The following PRDM8 variants were observed in gnomAD, a reference collection of about 807,000 sequenced individuals.
The protein encoded by PRDM8 is PR domain zinc finger protein 8.
PRDM8 carries 13 observed loss-of-function variants against 46.5 expected under a neutral mutation model. The ratio of observed to expected loss-of-function variants is 0.28; its 90% CI spans 0.18 to 0.44. PRDM8 has a LOEUF of 0.44. Ranked by LOEUF, PRDM8 falls within the 20% of genes least tolerant of loss-of-function variation. PRDM8 has a pLI of 1.00. For missense variants in PRDM8, 998 were observed against 955.0 expected (o/e 1.04, Z -0.59); for synonymous variants, 473 against 438.4 (o/e 1.08, Z -0.98).
chr4:80,198,024 C>T (rs1050689962), intron 1 of PRDM8, among the ~76,000 whole-genome samples: 1 of 152,200 alleles, frequency 6.6e-6, no homozygotes, highest in African/African-American at 2.4e-5. Context: ...CAGCAGCGAC[C>T]GGCTTTCAGA....
Position 80,202,412 on chromosome 4 carries a change from C to T in PRDM8, c.950C>T (p.Pro317Leu). ...GGCGGCAAAGGAAAGAGGAAATTCCCGGAGGAGGCGGCGGAGGGCGGCGGT... is the reference window on the plus strand; with the variant it reads ...GGCGGCAAAGGAAAGAGGAAATTCCTGGAGGAGGCGGCGGAGGGCGGCGGT... ...TGGGKGKRKF[P>L]EEAAEGGGGA... is the part of the protein sequence containing the mutation. Residue 317 changes from proline (P) to leucine (L), a missense_variant, in exon 4 of 4, where the codon CCG becomes CTG. Transcript: ENST00000415738. 1 of 1,556,498 alleles carries T rather than the reference C, an allele frequency of 6.4e-7. No homozygotes were observed. Among genetic ancestry groups the T allele is most frequent in the Non-Finnish European group, 8.7e-7 (1 of 1,151,428 alleles).
intron 2 of PRDM8, among the ~76,000 whole-genome samples, chr4:80,192,186 C>A (rs181505561): frequency 6.6e-6 from 1 of 152,074 alleles, no homozygotes; most frequent in African/African-American, 2.4e-5. Context: ...CCCAGCAGCC[C>A]GAATTCTTAC....
In PRDM8 at chr4:80,198,980, GTTTTTTTTTTTTTGTTTTTTT is replaced by G. The variant is rs1237971470; in HGVS notation, c.-2-1085_-2-1065del. On this transcript the variant is annotated intron_variant, in intron 1 of 3. Coordinates refer to ENST00000415738, the MANE Select transcript of PRDM8 (RefSeq NM_001099403.2). ...AATTTAAATACCTGGGTTTTTTTGG[GTTTTTTTTTTTTTGTTTTTTT>G]TTTTTTTTTTTTTTTTTAGTGATAA... Among the ~76,000 whole-genome samples the G allele has an allele frequency of 7.4e-3, 773 of 104,226 alleles. 13 individuals carry two copies. Among genetic ancestry groups the G allele is most frequent in the African/African-American group, 0.025 (718 of 28,790 alleles). 68.4% of individuals were successfully genotyped at this position (104,226 alleles called of 152,430 possible).
chr4:80,197,084 C>A (rs1443356118), upstream of PRDM8: 1 of 985,374 alleles, frequency 1.0e-6, no homozygotes, highest in Non-Finnish European at 1.2e-6. Context: ...GCTAACCGCA[C>A]CCCTCTCCCT....
chr4:80,196,917 G>A (rs1350806313), upstream of PRDM8: 3 of 985,348 alleles, frequency 3.0e-6, no homozygotes, highest in Admixed American at 6.1e-5. Flanking sequence ...CCACGGGAAG[G>A]CTGAGCCAAG....
rs536304942 is a variant in PRDM8 at position 80,200,175 on chromosome 4, C to A, written c.95C>A (p.Thr32Asn). The A allele has an allele frequency of 8.1e-6, 13 of 1,614,076 alleles. No homozygotes were observed. Among genetic ancestry groups the A allele is most frequent in the South Asian group, 1.1e-5 (1 of 91,084 alleles). ...GATATTTTTACCAGCGTTTACACCA[C>A]CTGCGACATCCCTGAGAATGCTATA... ...LTDIFTSVYT[T>N]CDIPENAIFG... is the part of the protein sequence containing the mutation. Residue 32 changes from threonine to asparagine, a missense_variant, in exon 2 of 4, where the codon ACC becomes AAC. Coordinates refer to ENST00000415738, the MANE Select transcript of PRDM8 (RefSeq NM_001099403.2).
At chr4:80,188,489 G>A (rs150172324) in intron 1 of PRDM8, among the ~76,000 whole-genome samples, 5,160 of 152,292 alleles carry the variant, frequency 0.034, 145 homozygotes, top group Non-Finnish European at 0.049. Context: ...TGAGATAGAT[G>A]TTGTCTTTAC....
intron 2 of PRDM8, 145 bp downstream of exon 2, chr4:80,200,444 A>C: frequency 1.4e-6 from 1 of 720,488 alleles, no homozygotes; most frequent in South Asian, 2.0e-5. Context: ...CACATCAAAA[A>C]TTAGAAAAGG....
intron 1 of PRDM8, among the ~76,000 whole-genome samples, chr4:80,186,252 T>C (rs1389937492): frequency 6.6e-6 from 1 of 150,932 alleles, no homozygotes; most frequent in African/African-American, 2.4e-5. Context: ...TACTAGCGGG[T>C]AAACAGGTTT....
chr4:80,201,568 G>A, intron 3 of PRDM8, 47 bp downstream of exon 3: 2 of 1,568,134 alleles, frequency 1.3e-6, no homozygotes, highest in African/African-American at 1.4e-5. Flanking sequence ...TAGCGGGGGA[G>A]AGACGCAGGG....
chr4:80,192,730 A>T (rs972226512), upstream of PRDM8, among the ~76,000 whole-genome samples: 1 of 152,212 alleles, frequency 6.6e-6, no homozygotes, highest in African/African-American at 2.4e-5. Context: ...GGGAGAACCC[A>T]GGGGGTTGAA....
At chr4:80,197,463 T>G (rs1738049819), upstream of PRDM8, 1 of 985,792 alleles carries the variant, frequency 1.0e-6, no homozygotes, top group Non-Finnish European at 1.2e-6. Flanking sequence ...TTGGGCAGAT[T>G]ATGTGCAGCA....
At chr4:80,200,333 G>T in intron 2 of PRDM8, 34 bp downstream of exon 2, 1 of 1,546,514 alleles carries the variant, frequency 6.5e-7, no homozygotes. Context: ...AGGTGTATGA[G>T]GGTAATGTCC....
chr4:80,187,916 T>G (rs964478068), intron 1 of PRDM8, among the ~76,000 whole-genome samples: 3 of 152,216 alleles, frequency 2.0e-5, no homozygotes, highest in Non-Finnish European at 4.4e-5. Context: ...AGACTCTTTG[T>G]CTCCCTGATT....
chr4:80,189,518 G>A (rs1012752203), intron 1 of PRDM8, among the ~76,000 whole-genome samples: 3 of 152,186 alleles, frequency 2.0e-5, no homozygotes, highest in African/African-American at 7.2e-5. Flanking sequence ...GAAATCCTCA[G>A]CCCTCGCTGG....
Position 80,202,558 on chromosome 4 carries a change from G to A in PRDM8, c.1096G>A (p.Glu366Lys). 6.5e-7 allele frequency: 1 copy of A among 1,534,956 alleles called. No individual in the cohort carries two copies. Among genetic ancestry groups the A allele is most frequent in the Non-Finnish European group, 8.7e-7 (1 of 1,146,360 alleles). ...RASGSYFGLE[E>K]NGRLFAPPSP... ...CTCGGGCAGCTACTTCGGCCTGGAA[G>A]AGAACGGCCGCCTCTTCGCGCCGCC... Residue 366 changes from glutamate (E) to lysine (K), a missense_variant, in exon 4 of 4, where the codon GAG becomes AAG. Glu to Lys is a moderately conservative substitution (Grantham distance 56). Transcript: ENST00000415738.
At position 80,202,071 on chromosome 4, in the gene PRDM8, G is replaced by GGGC. The variant is rs769029025; in HGVS notation, c.621_623dup (p.Gly209dup). 4.5e-5 allele frequency: 73 copies of GGGC among 1,613,412 alleles called. No homozygotes were observed. The highest frequency in any genetic ancestry group is 5.9e-5 in the Non-Finnish European group (70 of 1,179,872). On this transcript the variant is annotated inframe_insertion, in exon 4 of 4. Transcript: ENST00000415738. ...GCGGCGTGGGCACCAAGGACCACGG[G>GGGC]GGCGGCGGCGGCGGTGGCAAAGACC...
intron 1 of PRDM8, among the ~76,000 whole-genome samples, chr4:80,186,404 G>A (rs1203094692): frequency 7.2e-6 from 1 of 139,260 alleles, no homozygotes; most frequent in Non-Finnish European, 1.6e-5. Context: ...GAGGAAGGAA[G>A]AGAAGGGAGA....
In PRDM8 at chr4:80,203,223, TGCCGCTGCAGCCGCGGCTGCGGCGGCG is replaced by T. The variant is rs1738708809; in HGVS notation, c.1767_1793del (p.Ala590_Ala598del). 3.2e-6 allele frequency: 5 copies of T among 1,553,596 alleles called. No individual in the cohort carries two copies. Among genetic ancestry groups the T allele is most frequent in the Non-Finnish European group, 4.3e-6 (5 of 1,151,130 alleles). ...CCGCCTTCTGGCCCAAGAGCTCCGCTGCCGCTGCAGCCGCGGCTGCGGCGGCGGCCGCGGGGCCCTTGCAGCTGCAGC... is the reference window on the plus strand; with the variant it reads ...CCGCCTTCTGGCCCAAGAGCTCCGCTGCCGCGGGGCCCTTGCAGCTGCAGC... On this transcript the variant is annotated inframe_deletion, in exon 4 of 4. Coordinates refer to ENST00000415738, the MANE Select transcript of PRDM8 (RefSeq NM_001099403.2).
Sources: gnomAD v4.1 joint callset for allele counts (sites outside exome capture counted in the v4.1 genomes callset) on GRCh38, gnomAD v4.1.1 for gene constraint, MANE v1.5 for transcripts, NCBI Gene and HGNC (gene_info 2026-07-23, HGNC 2026-07-21) for gene names.